Variants in SSU72 observed in about 807,000 individuals in gnomAD.
SSU72 encodes RNA polymerase II subunit A C-terminal domain phosphatase SSU72.
In SSU72, 12 loss-of-function variants were observed where a neutral mutation model predicts 22.7. The ratio of observed to expected loss-of-function variants is 0.53; its 90% CI spans 0.34 to 0.86. SSU72 has a LOEUF of 0.86. SSU72 is among the 40% of genes least tolerant of loss of function. SSU72 has a pLI of 0.02. For missense variants in SSU72, 151 were observed against 249.8 expected, an observed-to-expected ratio of 0.60 and a Z score of 2.67; for synonymous variants, 116 against 98.3, an observed-to-expected ratio of 1.18 and a Z score of -1.06.
chr1:1,554,312 C>G lies in SSU72; in HGVS notation c.225-9310G>C, dbSNP rs1218614858. On this transcript the variant is annotated intron_variant, in intron 2 of 4. Coordinates refer to ENST00000291386, the MANE Select transcript of SSU72 (RefSeq NM_014188.3). The surrounding 1 kb of genome is among the most constrained non-coding windows in gnomAD (Gnocchi z 4.1). The stretch of plus-strand genomic sequence containing the variant: ...AGACGGATCCGGACCACTCGGGGGT[C>G]CCCACGAAGCTGAGCATGAGGCGGA... Among the ~76,000 whole-genome samples the G allele has an allele frequency of 6.7e-6, 1 of 150,254 alleles. No homozygotes were observed. The highest frequency in any genetic ancestry group is 1.5e-5 in the Non-Finnish European group (1 of 67,558).
chr1:1,571,395 C>G lies in SSU72; in HGVS notation c.80+3083G>C, dbSNP rs1053701674. Among the ~76,000 whole-genome samples the G allele has an allele frequency of 2.7e-5, 4 of 147,808 alleles. No individual in the cohort carries two copies. The East Asian group carries it at 6.0e-4, about 22-fold the overall frequency. On this transcript the variant is annotated intron_variant, in intron 1 of 4. Coordinates refer to ENST00000291386, the MANE Select transcript of SSU72 (RefSeq NM_014188.3). Reference sequence around the variant, plus strand: ...GCAGTGAGCCAAGATCGTGTCATTGCACTCCAGCCTGGGCGACAGAGGGAG... The same window carrying G: ...GCAGTGAGCCAAGATCGTGTCATTGGACTCCAGCCTGGGCGACAGAGGGAG...
intron 2 of SSU72, among the ~76,000 whole-genome samples, chr1:1,548,572 A>AAAC (rs1642420703): frequency 2.8e-5 from 4 of 143,524 alleles, no homozygotes; most frequent in Admixed American, 7.0e-5. Context: ...AAAAAAAAAA[A>AAAC]AAAACTCCCA....
rs988732384 is a variant in SSU72 at position 1,542,593 on chromosome 1, G to T, written c.484-426C>A. 6.6e-6 allele frequency among the ~76,000 whole-genome samples: 1 copy of T among 152,080 alleles called. No homozygotes were observed. The highest frequency in any genetic ancestry group is 1.5e-5 in the Non-Finnish European group (1 of 68,008). On this transcript the variant is annotated intron_variant, in intron 4 of 4. Coordinates refer to ENST00000291386, the MANE Select transcript of SSU72 (RefSeq NM_014188.3). The surrounding 1 kb of genome is among the most constrained non-coding windows in gnomAD (Gnocchi z 4.4). Reference sequence around the variant, plus strand: ...CATCCACCAGAGCCCCTGGCAGAGGGCCGCTGCCCCAGAGTGAGCAGGCCC... The same window carrying T: ...CATCCACCAGAGCCCCTGGCAGAGGTCCGCTGCCCCAGAGTGAGCAGGCCC...
rs1270484172 is a variant in SSU72 at position 1,542,817 on chromosome 1, G to A, written c.484-650C>T. On this transcript the variant is annotated intron_variant, in intron 4 of 4. Coordinates refer to ENST00000291386, the MANE Select transcript of SSU72 (RefSeq NM_014188.3). This position sits in a 1 kb window ranked among gnomAD's most constrained non-coding sequence, Gnocchi z 4.4. The stretch of plus-strand genomic sequence containing the variant: ...ACATTTTCTTATGACCTTTTCTCCT[G>A]CCAGGCGATCATGAAGACCGTCCCT... Among the ~76,000 whole-genome samples, 1 of 152,116 alleles carries A rather than the reference G, an allele frequency of 6.6e-6. No individual in the cohort carries two copies. The highest frequency in any genetic ancestry group is 1.5e-5 in the Non-Finnish European group (1 of 68,018).
intron 2 of SSU72, chr1:1,560,763 G>A (rs771696344): frequency 1.3e-5 from 2 of 152,166 alleles, no homozygotes; most frequent in South Asian, 4.1e-4. Flanking sequence ...AACATGTGAG[G>A]ATCACTTGAG....
At position 1,564,896 on chromosome 1, in the gene SSU72, C is replaced by G; in HGVS notation, c.101G>C (p.Arg34Pro). Residue 34 changes from arginine (R) to proline (P), a missense_variant, in exon 2 of 5, where the codon CGA (arginine) becomes CCA (proline). Coordinates refer to ENST00000291386, the MANE Select transcript of SSU72 (RefSeq NM_014188.3). The stretch of plus-strand genomic sequence containing the variant: ...CACGTGAGTCCCTGTTCCAAAGGAT[C>G]GGACGCTGAATCCCCGTTTGCTGAA... ...NILSKRGFSVRSFGTGTHVKL... is the reference protein window; with the variant it reads ...NILSKRGFSVPSFGTGTHVKL... 1.2e-6 allele frequency: 2 copies of G among 1,606,322 alleles called. No individual in the cohort carries two copies. The highest frequency in any genetic ancestry group is 1.7e-6 in the Non-Finnish European group (2 of 1,175,976).
intron 1 of SSU72, among the ~76,000 whole-genome samples, chr1:1,568,861 C>T (rs1386450825): frequency 6.6e-6 from 1 of 150,612 alleles, no homozygotes; most frequent in African/African-American, 2.5e-5. Context: ...ACAGTAAGAC[C>T]CTGTCTGTAA....
chr1:1,558,241 C>G (rs903146653), intron 2 of SSU72, among the ~76,000 whole-genome samples: 7 of 148,690 alleles, frequency 4.7e-5, no homozygotes, highest in African/African-American at 1.8e-4. Context: ...GCATAGGCCT[C>G]TGGTCCCAGC....
intron 2 of SSU72, among the ~76,000 whole-genome samples, chr1:1,547,459 C>G (rs1291796774): frequency 6.6e-6 from 1 of 152,266 alleles, no homozygotes; most frequent in Non-Finnish European, 1.5e-5. Flanking sequence ...CGAGCAGCCA[C>G]CCTTCTGGAT....
rs1333249969 is a variant in SSU72 at position 1,567,232 on chromosome 1, C to CCA, written c.81-2318_81-2317dup. On this transcript the variant is annotated intron_variant, in intron 1 of 4. Transcript: ENST00000291386. ...CCTGCTGCGCCACCACACACGTCAC[C>CCA]CACACACACAGAGAAGATGTGCTCA... 1.3e-4 allele frequency among the ~76,000 whole-genome samples: 20 copies of CCA among 152,300 alleles called. No individual in the cohort carries two copies. In the East Asian group the frequency reaches 3.9e-3, roughly 29 times the overall value.
intron 3 of SSU72, 51 bp downstream of exon 3, chr1:1,544,812 G>T: frequency 6.2e-7 from 1 of 1,612,942 alleles, no homozygotes; most frequent in South Asian, 1.1e-5. Context: ...GGCATCCCCA[G>T]ACCCTGTGAG....
intron 3 of SSU72, 137 bp from the exon 4 acceptor site, chr1:1,544,124 G>A: frequency 1.5e-6 from 1 of 647,902 alleles, no homozygotes; most frequent in Non-Finnish European, 2.7e-6. Context: ...AGTTTGGGGA[G>A]CACAATGAAT....
chr1:1,549,362 A>T (rs1642428605), intron 2 of SSU72, among the ~76,000 whole-genome samples: 1 of 151,664 alleles, frequency 6.6e-6, no homozygotes, highest in African/African-American at 2.4e-5. Context: ...TCTACTAAAA[A>T]CACAAAAAAT....
chr1:1,551,268 A>C (rs1245465296), intron 2 of SSU72, among the ~76,000 whole-genome samples: 1 of 152,178 alleles, frequency 6.6e-6, no homozygotes, highest in Non-Finnish European at 1.5e-5. Context: ...AAAAACAGTA[A>C]TGAAAACTAG....
chr1:1,557,090 G>A (rs756222397), intron 2 of SSU72, among the ~76,000 whole-genome samples: 6 of 152,206 alleles, frequency 3.9e-5, no homozygotes, highest in Non-Finnish European at 8.8e-5. Context: ...TCATTTGTTT[G>A]ACAAATACCT....
At chr1:1,545,839 A>C (rs2100704996) in intron 2 of SSU72, 1 of 152,472 alleles carries the variant, frequency 6.6e-6, no homozygotes, top group African/African-American at 2.4e-5. Flanking sequence ...TGATACAAAA[A>C]CCAAGAGGGC....
intron 2 of SSU72, among the ~76,000 whole-genome samples, chr1:1,557,923 AAC>A (rs1642540596): frequency 6.6e-6 from 1 of 152,118 alleles, no homozygotes; most frequent in Admixed American, 6.6e-5. Flanking sequence ...TGCAATTTAA[AAC>A]ACAGGCCAGG....
chr1:1,567,869 C>T (rs139075034), intron 1 of SSU72, among the ~76,000 whole-genome samples: 5,357 of 146,818 alleles, frequency 0.036, 114 homozygotes, highest in Non-Finnish European at 0.042. Context: ...GCCGAGATCG[C>T]GCCATTGCAC....
Position 1,542,046 on chromosome 1 carries a change from G to T in SSU72, c.*20C>A, listed in dbSNP as rs781308628. ...TGAACAACAGGAAGCTCCAGAGGCG[G>T]CTCCATGCGGGCGCTGGGCTCAGTA... is the stretch of plus-strand genomic sequence containing the variant. On this transcript the variant is annotated 3_prime_UTR_variant, in exon 5 of 5. Transcript: ENST00000291386. This position sits in a 1 kb window ranked among gnomAD's most constrained non-coding sequence, Gnocchi z 4.4. 1.0e-5 allele frequency: 16 copies of T among 1,559,886 alleles called. No individual in the cohort carries two copies. In the African/African-American group the frequency reaches 2.0e-4, roughly 20 times the overall value.
Sources: gnomAD v4.1 joint callset for allele counts (sites outside exome capture counted in the v4.1 genomes callset) on GRCh38, gnomAD v4.1.1 for gene constraint, Gnocchi (gnomAD v3.1) non-coding constraint, MANE v1.5 for transcripts, NCBI Gene and HGNC (gene_info 2026-07-23, HGNC 2026-07-21) for gene names.